Variants in SLC2A9 observed in about 807,000 individuals in gnomAD.
SLC2A9 encodes solute carrier family 2, facilitated glucose transporter member 9.
SLC2A9 carries 39 observed loss-of-function variants against 50.6 expected under a neutral mutation model. The observed-to-expected ratio is 0.77, with a 90% CI of 0.60 to 1.01. The LOEUF is 1.01. Among genes scored for constraint, SLC2A9 ranks in the 50% least tolerant of loss-of-function variants. The pLI is 0.00. For missense variants in SLC2A9, 686 were observed against 677.6 expected, an observed-to-expected ratio of 1.01 and a Z score of -0.14; for synonymous variants, 324 against 276.9, an observed-to-expected ratio of 1.17 and a Z score of -1.69.
intron 1 of SLC2A9, among the ~76,000 whole-genome samples, chr4:10,032,219 G>A (rs1309560225): frequency 1.3e-5 from 2 of 152,174 alleles, no homozygotes; most frequent in African/African-American, 4.8e-5. Context: ...AAGGTGATGA[G>A]AGAGGCAATA....
chr4:10,036,076 C>A, intron 1 of SLC2A9: 1 of 195,648 alleles, frequency 5.1e-6, no homozygotes, highest in Non-Finnish European at 9.9e-6. Context: ...ATCATGTGAG[C>A]CAATTCCATA....
At chr4:9,824,336 A>C (rs2109063540), downstream of SLC2A9, among the ~76,000 whole-genome samples, 1 of 152,162 alleles carries the variant, frequency 6.6e-6, no homozygotes, top group South Asian at 2.1e-4. Flanking sequence ...TTGTTTGTCT[A>C]TAAATTACCC....
chr4:9,957,125 C>G (rs1409271645), intron 5 of SLC2A9, among the ~76,000 whole-genome samples: 3 of 151,966 alleles, frequency 2.0e-5, no homozygotes, highest in Admixed American at 2.0e-4. Flanking sequence ...TTGATGGGAA[C>G]CAGAAGATGG....
chr4:9,917,325 C>CTTTTTTTTTTTTTTTTT (rs55927201), intron 7 of SLC2A9, among the ~76,000 whole-genome samples: 2 of 81,798 alleles, frequency 2.4e-5, no homozygotes, highest in African/African-American at 5.1e-5. Context: ...TTCTTTTTTC[C>CTTTTTTTTTTTTTTTTT]TTTTTTTTTT....
At chr4:9,913,892 CCTCT>C (rs1183516346) in intron 7 of SLC2A9, among the ~76,000 whole-genome samples, 1 of 152,210 alleles carries the variant, frequency 6.6e-6, no homozygotes, top group Non-Finnish European at 1.5e-5. Context: ...GGTTCTTGTG[CCTCT>C]CTCTGTCTCC....
chr4:9,777,449 T>G (rs1363055442), downstream of SLC2A9, among the ~76,000 whole-genome samples: 2 of 152,154 alleles, frequency 1.3e-5, no homozygotes, highest in Non-Finnish European at 2.9e-5. Context: ...TATCTGTCAC[T>G]TACACACCAT....
In SLC2A9 at chr4:10,019,049, C is replaced by A; in HGVS notation, c.175G>T (p.Ala59Ser). The A allele has an allele frequency of 6.4e-7, 1 of 1,551,084 alleles. No individual in the cohort carries two copies. The highest frequency in any genetic ancestry group is 8.7e-7 in the Non-Finnish European group (1 of 1,146,954). ...GAGCCGAAGGCGCCCGCGAGGGAGG[C>A]CACGAGGAGCGAGCAGGACCAGTCC... The part of the protein sequence containing the change: ...RKDWSCSLLV[A>S]SLAGAFGSSF... The change falls in exon 2 of 12, where the codon GCC becomes TCC. Residue 59 changes from alanine (A) to serine (S), a missense_variant. Coordinates refer to ENST00000264784, the MANE Select transcript of SLC2A9 (RefSeq NM_020041.3).
chr4:9,796,419 T>A (rs1157284815), downstream of SLC2A9, among the ~76,000 whole-genome samples: 1 of 152,170 alleles, frequency 6.6e-6, no homozygotes, highest in Non-Finnish European at 1.5e-5. Flanking sequence ...AGGAATAACA[T>A]GAATGAGATT....
intron 8 of SLC2A9, among the ~76,000 whole-genome samples, chr4:9,901,711 C>T (rs2109911135): frequency 6.6e-6 from 1 of 152,304 alleles, no homozygotes; most frequent in East Asian, 1.9e-4. Context: ...GCGGCAGCCA[C>T]ATCCTTGCCC....
At chr4:10,029,548 A>ATATTTTATTTTATTTTATTT (rs60939014) in intron 1 of SLC2A9, among the ~76,000 whole-genome samples, 3 of 125,264 alleles carry the variant, frequency 2.4e-5, no homozygotes, top group African/African-American at 1.1e-4. Flanking sequence ...AATTTTTTAA[A>ATATTTTATTTTATTTTATTT]TATTTTATTT....
At chr4:9,970,810 C>T (rs1753782420) in intron 5 of SLC2A9, among the ~76,000 whole-genome samples, 1 of 152,176 alleles carries the variant, frequency 6.6e-6, no homozygotes, top group Admixed American at 6.5e-5. Flanking sequence ...AGGCGCCAGA[C>T]CCAAAACCGG....
chr4:9,835,152 C>T, intron 10 of SLC2A9, 144 bp from the exon 11 acceptor site: 1 of 1,126,142 alleles, frequency 8.9e-7, no homozygotes. Flanking sequence ...CTGAGTCGCC[C>T]TGGTGGCATT....
chr4:9,782,620 G>A (rs1718616038), intron 3 of SLC2A9: 2 of 1,613,954 alleles, frequency 1.2e-6, no homozygotes, highest in Non-Finnish European at 1.7e-6. Context: ...CAAACAACCT[G>A]GCCAACTGGA....
intron 10 of SLC2A9, among the ~76,000 whole-genome samples, chr4:9,853,609 C>A (rs1730298637): frequency 6.6e-6 from 1 of 152,130 alleles, no homozygotes; most frequent in African/African-American, 2.4e-5. Context: ...AGAAAACCAG[C>A]AAAGATATTT....
intron 3 of SLC2A9, among the ~76,000 whole-genome samples, chr4:9,995,488 C>A (rs4529048): frequency 0.71 from 108,477 of 152,084 alleles, 38,876 homozygotes; most frequent in Non-Finnish European, 0.75. Flanking sequence ...GTAAAGGATT[C>A]GGTCATTTCA....
At chr4:9,944,090 C>T (rs1342501661) in intron 5 of SLC2A9, among the ~76,000 whole-genome samples, 2 of 152,180 alleles carry the variant, frequency 1.3e-5, no homozygotes, top group African/African-American at 4.8e-5. Context: ...GGAAGGGCAC[C>T]CCCAGCATAG....
chr4:9,921,260 A>T (rs1027542284), intron 6 of SLC2A9, among the ~76,000 whole-genome samples: 1 of 152,196 alleles, frequency 6.6e-6, no homozygotes, highest in African/African-American at 2.4e-5. Flanking sequence ...TGCCTTTTCC[A>T]TGTTGAACAC....
chr4:9,983,164 G>C lies in SLC2A9; in HGVS notation c.536-2427C>G, dbSNP rs1032670807. On this transcript the variant is annotated intron_variant, in intron 4 of 11. Transcript: ENST00000264784. Reference sequence around the variant, plus strand: ...ATTACAGGTGTGAGCCACCGTGCCCGGCCCATTTAATTTTCACATCACCCA... The same window carrying C: ...ATTACAGGTGTGAGCCACCGTGCCCCGCCCATTTAATTTTCACATCACCCA... Among the ~76,000 whole-genome samples, 3 of 152,246 alleles carry C rather than the reference G, an allele frequency of 2.0e-5. No individual in the cohort carries two copies. The East Asian group carries it at 5.8e-4, about 29-fold the overall frequency.
intron 7 of SLC2A9, among the ~76,000 whole-genome samples, chr4:9,915,729 T>C (rs1448125542): frequency 6.6e-6 from 1 of 152,214 alleles, no homozygotes; most frequent in African/African-American, 2.4e-5. Flanking sequence ...ATGGAGGGTC[T>C]CTTCTCAGCT....
Sources: gnomAD v4.1 joint callset for allele counts (sites outside exome capture counted in the v4.1 genomes callset) on GRCh38, gnomAD v4.1.1 for gene constraint, MANE v1.5 for transcripts, NCBI Gene and HGNC (gene_info 2026-07-23, HGNC 2026-07-21) for gene names.